The following RTF2 variants were observed in gnomAD, a reference collection of about 807,000 sequenced individuals.
RTF2 encodes the protein UPF0549 protein C20orf43.
Under a neutral mutation model 38.0 loss-of-function variants are expected in RTF2, and 18 were observed. The ratio of observed to expected loss-of-function variants is 0.47; its 90% CI spans 0.33 to 0.70. The LOEUF (loss-of-function observed/expected upper bound fraction) is 0.70. RTF2 is among the 30% of genes least tolerant of loss of function. The probability of loss-of-function intolerance (pLI) is 0.02; values close to 1 mark genes in which losing one functional copy is unlikely to be tolerated. For synonymous variants in RTF2, 126 were observed against 137.1 expected, an observed-to-expected ratio of 0.92 and a Z score of 0.57; for missense variants, 311 against 379.6, an observed-to-expected ratio of 0.82 and a Z score of 1.50.
chr20:56,483,911 T>C (rs1461874682), intron 4 of RTF2, among the ~76,000 whole-genome samples, 200 bp from the exon 5 acceptor site: 1 of 152,220 alleles, frequency 6.6e-6, no homozygotes, highest in Non-Finnish European at 1.5e-5. Context: ...GGTTTCAGTT[T>C]TGATCTTTTT....
intron 5 of RTF2, among the ~76,000 whole-genome samples, chr20:56,506,977 G>A (rs967977421): frequency 6.6e-6 from 1 of 152,206 alleles, no homozygotes; most frequent in Admixed American, 6.5e-5. Flanking sequence ...TGGGATTACA[G>A]GCGTGAGCCA....
chr20:56,501,324 A>C (rs1037120843), intron 5 of RTF2, among the ~76,000 whole-genome samples: 1 of 152,268 alleles, frequency 6.6e-6, no homozygotes, highest in African/African-American at 2.4e-5. Context: ...AGCTATTTTA[A>C]TGAAAAAATA....
chr20:56,518,429 C>G lies in RTF2; in HGVS notation c.*164C>G. ...TGGTGTGGCCACTCTTGATGTGAGG[C>G]GTGTCGGTTCCAGGGGGGACATGGG... On this transcript the variant is annotated 3_prime_UTR_variant, in exon 9 of 9. Coordinates refer to ENST00000357348, the MANE Select transcript of RTF2 (RefSeq NM_016407.5). The G allele has an allele frequency of 1.6e-6, 1 of 627,662 alleles. No individual in the cohort carries two copies. The highest frequency in any genetic ancestry group is 2.6e-6 in the Non-Finnish European group (1 of 387,432). The allele number at this position is 627,662 out of a possible 1,614,324, so 38.9% of individuals were successfully genotyped here.
rs552721378 is a variant in RTF2, at chr20:56,491,809, G to C, written c.477+7620G>C. Reference sequence around the variant, plus strand: ...CTGCAGAAAGAAACACAAAAACCTAGCTGCCTTTGTTTCCTCACCCATTTT... The same window carrying C: ...CTGCAGAAAGAAACACAAAAACCTACCTGCCTTTGTTTCCTCACCCATTTT... On this transcript the variant is annotated intron_variant, in intron 5 of 8. Transcript: ENST00000357348. 6 of 1,516,674 alleles carry C rather than the reference G, an allele frequency of 4.0e-6. No homozygotes were observed. In the South Asian group the frequency reaches 7.2e-5, roughly 18 times the overall value. The allele number at this position is 1,516,674 out of a possible 1,614,324, so 94.0% of individuals were successfully genotyped here. A position where few individuals can be genotyped will look rare whatever the true frequency, so the allele number is the denominator to read the frequency against.
intron 5 of RTF2, chr20:56,495,126 C>G (rs1199222564): frequency 2.0e-6 from 2 of 1,003,888 alleles, no homozygotes; most frequent in Non-Finnish European, 3.1e-6. Flanking sequence ...GTCTTGCCCA[C>G]TAGGATTGAG....
intron 5 of RTF2, chr20:56,497,541 A>C (rs1314227293): frequency 1.4e-6 from 2 of 1,406,670 alleles, no homozygotes; most frequent in Admixed American, 4.3e-5. Flanking sequence ...CCTTAAGTAA[A>C]GAAAAATGAA....
intron 5 of RTF2, among the ~76,000 whole-genome samples, chr20:56,489,733 A>G (rs1299537519): frequency 2.0e-5 from 3 of 152,230 alleles, no homozygotes. Context: ...TGACATTGGA[A>G]TGAAGTGAAG....
intron 5 of RTF2, among the ~76,000 whole-genome samples, chr20:56,493,282 A>G (rs1983290466): frequency 1.3e-5 from 2 of 152,230 alleles, no homozygotes; most frequent in Admixed American, 1.3e-4. Flanking sequence ...AGCTGTTACC[A>G]TGATTTAACA....
intron 5 of RTF2, chr20:56,491,371 G>T: frequency 3.4e-6 from 2 of 582,856 alleles, no homozygotes; most frequent in Non-Finnish European, 6.1e-6. Flanking sequence ...TTTTTGTCTT[G>T]TGATTTCTTT....
chr20:56,516,240 A>G (rs1373866239), intron 6 of RTF2: 1 of 152,242 alleles, frequency 6.6e-6, no homozygotes, highest in Non-Finnish European at 1.5e-5. Flanking sequence ...GGAAATTGAC[A>G]TTTTAAAGTA....
At chr20:56,501,512 A>G (rs1204661759) in intron 5 of RTF2, among the ~76,000 whole-genome samples, 1 of 152,208 alleles carries the variant, frequency 6.6e-6, no homozygotes, top group Non-Finnish European at 1.5e-5. Context: ...TAAAGGCTGT[A>G]GAAAGAGTGG....
intron 8 of RTF2, among the ~76,000 whole-genome samples, chr20:56,517,783 A>G (rs556291005): frequency 1.3e-5 from 2 of 152,272 alleles, no homozygotes; most frequent in East Asian, 3.9e-4. Flanking sequence ...TCTACATGGG[A>G]CAGCCACTCA....
At chr20:56,496,597 C>G in intron 5 of RTF2, 1 of 1,456,118 alleles carries the variant, frequency 6.9e-7, no homozygotes, top group South Asian at 1.5e-5. Flanking sequence ...GCTGCTGTTG[C>G]TGCTGACTGC....
intron 5 of RTF2, chr20:56,495,212 A>T (rs34552628): frequency 0.39 from 604,385 of 1,548,774 alleles, 126,429 homozygotes; most frequent in Non-Finnish European, 0.43. Context: ...CTTTACATCC[A>T]TCATGAACAT....
At chr20:56,497,559 A>G (rs781761146) in intron 5 of RTF2, 6 of 1,376,034 alleles carry the variant, frequency 4.4e-6, no homozygotes, top group Non-Finnish European at 5.8e-6. Flanking sequence ...GAAGATGCAA[A>G]TGACTGCCCT....
chr20:56,510,601 T>C (rs1477311493), intron 5 of RTF2, among the ~76,000 whole-genome samples: 1 of 152,218 alleles, frequency 6.6e-6, no homozygotes, highest in Non-Finnish European at 1.5e-5. Flanking sequence ...GCAGAGACTA[T>C]GTCTTAACAC....
chr20:56,496,782 T>G, intron 5 of RTF2: 1 of 1,552,174 alleles, frequency 6.4e-7, no homozygotes, highest in Non-Finnish European at 8.7e-7. Flanking sequence ...ACTTCCAAAA[T>G]AAATGGTTAA....
chr20:56,491,864 G>A (rs534223464), intron 5 of RTF2: 43 of 1,020,390 alleles, frequency 4.2e-5, no homozygotes, highest in East Asian at 3.7e-4. Flanking sequence ...CGCATGCTCC[G>A]TCCGGTGTCA....
chr20:56,516,106 T>C (rs1985028705), intron 6 of RTF2: 1 of 152,256 alleles, frequency 6.6e-6, no homozygotes, highest in African/African-American at 2.4e-5. Context: ...TGTTCTGTTA[T>C]AAATCACACT....
Sources: gnomAD v4.1 joint callset for allele counts (sites outside exome capture counted in the v4.1 genomes callset) on GRCh38, gnomAD v4.1.1 for gene constraint, MANE v1.5 for transcripts, NCBI Gene and HGNC (gene_info 2026-07-23, HGNC 2026-07-21) for gene names.